DNER: variants seen among roughly 807,000 people sequenced by gnomAD.
The protein encoded by DNER is delta and Notch-like epidermal growth factor-related receptor.
In DNER, 33 loss-of-function variants were observed where a neutral mutation model predicts 78.2. The observed-to-expected ratio is 0.42, with a 90% confidence interval of 0.32 to 0.56. The LOEUF (loss-of-function observed/expected upper bound fraction) is 0.56. DNER is among the 20% of genes least tolerant of loss of function. The pLI, the probability that DNER is intolerant of heterozygous loss-of-function variation, is 0.11. For synonymous variants in DNER, 417 were observed against 384.8 expected, an observed-to-expected ratio of 1.08 and a Z score of -0.98; for missense variants, 918 against 975.3, an observed-to-expected ratio of 0.94 and a Z score of 0.78.
intron 1 of DNER, among the ~76,000 whole-genome samples, chr2:229,710,498 G>A (rs931120538): frequency 2.6e-5 from 4 of 152,184 alleles, no homozygotes; most frequent in Admixed American, 1.3e-4. Flanking sequence ...CAGCTCATAG[G>A]ACATTGCAAG....
intron 1 of DNER, among the ~76,000 whole-genome samples, chr2:229,611,926 T>A (rs757762504): frequency 1.3e-5 from 2 of 152,232 alleles, no homozygotes; most frequent in Non-Finnish European, 2.9e-5. Context: ...TTCTTCGATA[T>A]GCAGGTAAGG....
intron 1 of DNER, among the ~76,000 whole-genome samples, chr2:229,697,393 T>C (rs1202762386): frequency 1.3e-5 from 2 of 152,224 alleles, no homozygotes; most frequent in Non-Finnish European, 2.9e-5. Context: ...TGTTTCCTTT[T>C]GGGATGGCAA....
intron 1 of DNER, among the ~76,000 whole-genome samples, chr2:229,673,846 G>C (rs113064188): frequency 6.6e-6 from 1 of 152,210 alleles, no homozygotes; most frequent in Non-Finnish European, 1.5e-5. Context: ...TGAGGCTGAC[G>C]CATACGGACA....
rs796487466 is a variant in DNER, at chr2:229,628,867, C to T, written c.277-36979G>A. ...ACCCCTGGTCTAGCCTCTTCTTTGT[C>T]TCAGGATCTGACCACTGACGTTTCC... is the stretch of plus-strand genomic sequence containing the variant. On this transcript the variant is annotated intron_variant, in intron 1 of 12. Coordinates refer to ENST00000341772, the MANE Select transcript of DNER (RefSeq NM_139072.4). 3.9e-5 allele frequency among the ~76,000 whole-genome samples: 6 copies of T among 152,336 alleles called. 1 individual carries two copies. Among genetic ancestry groups the T allele is most frequent in the African/African-American group, 1.4e-4 (6 of 41,588 alleles).
chr2:229,659,470 A>G (rs1262011744), intron 1 of DNER, among the ~76,000 whole-genome samples: 1 of 152,152 alleles, frequency 6.6e-6, no homozygotes, highest in Non-Finnish European at 1.5e-5. Context: ...TGGTCTCAAG[A>G]TCTGAACTGT....
intron 6 of DNER, among the ~76,000 whole-genome samples, chr2:229,492,519 G>A (rs1044491789): frequency 1.3e-5 from 2 of 152,214 alleles, no homozygotes; most frequent in Non-Finnish European, 1.5e-5. Context: ...GATGGGCCCC[G>A]AGTGAAGAGG....
chr2:229,420,143 C>A (rs1352778002), intron 8 of DNER, among the ~76,000 whole-genome samples: 1 of 151,972 alleles, frequency 6.6e-6, no homozygotes, highest in African/African-American at 2.4e-5. Flanking sequence ...CACAGTCATG[C>A]ATTTACATAT....
At chr2:229,700,910 A>G (rs1188198567) in intron 1 of DNER, among the ~76,000 whole-genome samples, 1 of 151,896 alleles carries the variant, frequency 6.6e-6, no homozygotes, top group Non-Finnish European at 1.5e-5. Flanking sequence ...AAAAAAAAAG[A>G]TATGGTAAGA....
chr2:229,502,774 T>C (rs1379142283), intron 6 of DNER, among the ~76,000 whole-genome samples: 1 of 152,082 alleles, frequency 6.6e-6, no homozygotes, highest in Non-Finnish European at 1.5e-5. Context: ...GATAGAGAAA[T>C]AGGACAGGTA....
intron 9 of DNER, among the ~76,000 whole-genome samples, chr2:229,409,198 T>C (rs1262447969): frequency 6.6e-6 from 1 of 152,304 alleles, no homozygotes; most frequent in Non-Finnish European, 1.5e-5. Context: ...CTGGGCTCAA[T>C]TGAAAGAATA....
chr2:229,562,464 T>C (rs531810445), intron 4 of DNER, among the ~76,000 whole-genome samples: 3 of 152,318 alleles, frequency 2.0e-5, no homozygotes, highest in Non-Finnish European at 4.4e-5. Flanking sequence ...ACATGTATAT[T>C]CTATAATTCG....
chr2:229,634,577 C>T (rs1026746944), intron 1 of DNER, among the ~76,000 whole-genome samples: 4 of 152,064 alleles, frequency 2.6e-5, no homozygotes, highest in African/African-American at 7.2e-5. Context: ...CCGGAATTTG[C>T]TTTTGGAGCT....
At chr2:229,653,158 A>G (rs1048926217) in intron 1 of DNER, among the ~76,000 whole-genome samples, 3 of 152,274 alleles carry the variant, frequency 2.0e-5, no homozygotes, top group East Asian at 3.9e-4. Flanking sequence ...TTCATGTGTC[A>G]CACAGTATCT....
At chr2:229,538,375 A>G (rs1696451877) in intron 5 of DNER, among the ~76,000 whole-genome samples, 1 of 151,994 alleles carries the variant, frequency 6.6e-6, no homozygotes, top group African/African-American at 2.4e-5. Flanking sequence ...ATGTATATAT[A>G]TTTTTTGACA....
intron 4 of DNER, among the ~76,000 whole-genome samples, chr2:229,556,629 T>C (rs1158894130): frequency 6.6e-6 from 1 of 152,244 alleles, no homozygotes; most frequent in Non-Finnish European, 1.5e-5. Flanking sequence ...GATGAGATGA[T>C]ATTTAGACAA....
At chr2:229,452,068 G>T (rs1694469318) in intron 7 of DNER, among the ~76,000 whole-genome samples, 1 of 152,068 alleles carries the variant, frequency 6.6e-6, no homozygotes, top group East Asian at 1.9e-4. Context: ...GGTCACGACT[G>T]GTCTTATATG....
chr2:229,712,913 A>T (rs769957123), intron 1 of DNER, among the ~76,000 whole-genome samples: 1 of 152,222 alleles, frequency 6.6e-6, no homozygotes, highest in Non-Finnish European at 1.5e-5. Context: ...AAGATTCTAG[A>T]TAAATGCAAA....
intron 1 of DNER, among the ~76,000 whole-genome samples, chr2:229,679,595 G>A (rs143149528): frequency 6.6e-5 from 10 of 152,138 alleles, no homozygotes; most frequent in African/African-American, 1.2e-4. Context: ...TAACTGGCAC[G>A]TCCTCAACAG....
intron 5 of DNER, among the ~76,000 whole-genome samples, chr2:229,541,875 ATATT>A (rs1418592254): frequency 1.4e-5 from 2 of 142,996 alleles, no homozygotes; most frequent in East Asian, 2.0e-4. Flanking sequence ...ATTTATATTT[ATATT>A]TATTTATATG....
Sources: gnomAD v4.1 joint callset for allele counts (sites outside exome capture counted in the v4.1 genomes callset) on GRCh38, gnomAD v4.1.1 for gene constraint, MANE v1.5 for transcripts, NCBI Gene and HGNC (gene_info 2026-07-23, HGNC 2026-07-21) for gene names.